NDST1: variants seen among roughly 807,000 people sequenced by gnomAD.
NDST1 encodes the protein N-deacetylase and N-sulfotransferase 1, also known as bifunctional heparan sulfate N-deacetylase/N-sulfotransferase 1.
In NDST1, 35 loss-of-function variants were observed where a neutral mutation model predicts 92.8. The ratio of observed to expected loss-of-function variants is 0.38; its 90% confidence interval spans 0.29 to 0.50. NDST1 has a LOEUF of 0.50. Ranked by LOEUF, NDST1 falls within the 20% of genes least tolerant of loss-of-function variation. The pLI is 0.94. For synonymous variants in NDST1, 493 were observed against 500.3 expected (o/e 0.99, Z 0.19); for missense variants, 822 against 1,182.7 (o/e 0.69, Z 4.47).
At position 150,546,561 on chromosome 5, in the gene NDST1, G is replaced by T. The variant is rs573844205; in HGVS notation, c.2145+1075G>T. ...CAGGCCTGTGCTTGGTGTTGGGGAG[G>T]GGGTGGGGCCCTGGGTCTTAGCCCA... On this transcript the variant is annotated intron_variant, in intron 11 of 14. Transcript: ENST00000261797. 1.5e-3 allele frequency among the ~76,000 whole-genome samples: 222 copies of T among 152,368 alleles called. 1 individual carries two copies. The highest frequency in any genetic ancestry group is 5.2e-3 in the African/African-American group (217 of 41,592).
chr5:150,509,873 G>T (rs1022959294), intron 1 of NDST1, among the ~76,000 whole-genome samples: 2 of 152,178 alleles, frequency 1.3e-5, no homozygotes, highest in African/African-American at 2.4e-5. Flanking sequence ...CTGAAGTCCT[G>T]CCTTGCTGGG....
At chr5:150,527,722 T>G (rs555397646) in intron 2 of NDST1, 82 bp from the exon 3 acceptor site, 2 of 1,590,502 alleles carry the variant, frequency 1.3e-6, no homozygotes, top group African/African-American at 1.3e-5. Context: ...ACCACTGTTA[T>G]GGTCCACATG....
chr5:150,506,321 C>T (rs1279388540), upstream of NDST1, among the ~76,000 whole-genome samples: 1 of 152,166 alleles, frequency 6.6e-6, no homozygotes, highest in Non-Finnish European at 1.5e-5. Context: ...CCATGTTGCC[C>T]AGGCTGGTGT....
chr5:150,554,082 G>GTTA lies in NDST1; in HGVS notation c.*750_*751insTTA, dbSNP rs1755820355. 2.5e-6 allele frequency: 1 copy of GTTA among 402,240 alleles called. No homozygotes were observed. The highest frequency in any genetic ancestry group is 2.1e-5 in the African/African-American group (1 of 48,564). 24.9% of individuals were successfully genotyped at this position (402,240 alleles called of 1,614,324 possible). A position where few individuals can be genotyped will look rare whatever the true frequency, so the allele number is the denominator to read the frequency against. ...GTGTTTCCTGTGGTAAAAGACTGAG[G>GTTA]CAGGCCAGGGGTCTGCCAGTAACAT... On this transcript the variant is annotated 3_prime_UTR_variant, in exon 15 of 15. Transcript: ENST00000261797.
At chr5:150,544,732 G>A (rs911995615) in intron 10 of NDST1, among the ~76,000 whole-genome samples, 3 of 152,182 alleles carry the variant, frequency 2.0e-5, no homozygotes, top group African/African-American at 7.2e-5. Context: ...CCATTGCTCT[G>A]GTGGGATATG....
rs1033476610 is a variant in NDST1, at chr5:150,539,829, A to G, written c.1567-253A>G. On this transcript the variant is annotated intron_variant, in intron 7 of 14. Transcript: ENST00000261797. The stretch of plus-strand genomic sequence containing the variant: ...TGCACCCCACCCCTAACATTTACAA[A>G]ATAAAACCCAAATAGCTCCCACATT... 4.1e-6 allele frequency: 4 copies of G among 973,070 alleles called. No individual in the cohort carries two copies. In the African/African-American group the frequency reaches 7.0e-5, roughly 17 times the overall value. 60.3% of individuals were successfully genotyped at this position (973,070 alleles called of 1,614,324 possible).
intron 13 of NDST1, 81 bp from the exon 14 acceptor site, chr5:150,551,672 C>T: frequency 1.9e-6 from 3 of 1,545,452 alleles, no homozygotes; most frequent in Non-Finnish European, 2.6e-6. Flanking sequence ...TCTGCCATTC[C>T]TGGGGTCCAT....
chr5:150,530,708 G>A (rs969551004), intron 3 of NDST1, among the ~76,000 whole-genome samples: 45 of 151,874 alleles, frequency 3.0e-4, no homozygotes, highest in Admixed American at 9.2e-4. Context: ...ACAGGCACAT[G>A]CCACCATACC....
chr5:150,515,533 TCATGAC>T (rs1308215856), intron 1 of NDST1, among the ~76,000 whole-genome samples: 1 of 151,666 alleles, frequency 6.6e-6, no homozygotes, highest in African/African-American at 2.4e-5. Flanking sequence ...TTCAGAGGGG[TCATGAC>T]TTTGGAACCT....
rs114176195 is a variant in NDST1, at chr5:150,521,825, G to C, written c.513+58G>C. 1.8e-3 allele frequency: 2,935 copies of C among 1,601,818 alleles called. 51 individuals carry two copies. In the African/African-American group the frequency reaches 0.033, roughly 18 times the overall value. On this transcript the variant is annotated intron_variant, in intron 2 of 14. Transcript: ENST00000261797. This position sits in a 1 kb window ranked among gnomAD's most constrained non-coding sequence, Gnocchi z 5.9. ...GAGCCCCCTCTGCAGCTCAGTGCCT[G>C]AATTCTCATTTGTGAAATAGGTGTA...
At chr5:150,535,561 C>CCCATCTTA (rs1330918247) in intron 5 of NDST1, 139 bp from the exon 6 acceptor site, 1 of 1,225,502 alleles carries the variant, frequency 8.2e-7, no homozygotes. Flanking sequence ...GCCTCAGCTT[C>CCCATCTTA]CCATCTTACC....
rs542839572 is a variant in NDST1 at position 150,534,820 on chromosome 5, G to A, written c.1097-47G>A. The A allele has an allele frequency of 3.0e-5, 48 of 1,613,420 alleles. No individual in the cohort carries two copies. The East Asian group carries it at 1.0e-3, about 34-fold the overall frequency. On this transcript the variant is annotated intron_variant, in intron 4 of 14. Coordinates refer to ENST00000261797, the MANE Select transcript of NDST1 (RefSeq NM_001543.5). ...CCCCAGGCACAGGCCCAGGTTAGAG[G>A]GCCTCATGGCCCAGTGGGTGGTTCT...
chr5:150,558,103 C>G lies in NDST1; in HGVS notation c.*4771C>G, dbSNP rs745653131. The G allele has an allele frequency of 1.3e-5, 2 of 152,484 alleles. No individual in the cohort carries two copies. The highest frequency in any genetic ancestry group is 4.1e-4 in the South Asian group (2 of 4,822). 9.4% of individuals were successfully genotyped at this position (152,484 alleles called of 1,614,324 possible). Reference sequence around the variant, plus strand: ...GGAGAGGGGGTGCTATCCAGTTCGCCTGATGAGGGCTCTCGAACCAGCCGT... The same window carrying G: ...GGAGAGGGGGTGCTATCCAGTTCGCGTGATGAGGGCTCTCGAACCAGCCGT... On this transcript the variant is annotated 3_prime_UTR_variant, in exon 15 of 15. Transcript: ENST00000261797.
chr5:150,539,176 C>A, intron 6 of NDST1, 52 bp from the exon 7 acceptor site: 1 of 1,469,170 alleles, frequency 6.8e-7, no homozygotes, highest in Non-Finnish European at 9.5e-7. Flanking sequence ...AGTCCTCCCA[C>A]CACCCTCATG....
chr5:150,553,625 T>C lies in NDST1; in HGVS notation c.*293T>C. 1 of 439,350 alleles carries C rather than the reference T, an allele frequency of 2.3e-6. No individual in the cohort carries two copies. Among genetic ancestry groups the C allele is most frequent in the Non-Finnish European group, 4.3e-6 (1 of 232,910 alleles). The allele number at this position is 439,350 out of a possible 1,614,324, so 27.2% of individuals were successfully genotyped here. A position where few individuals can be genotyped will look rare whatever the true frequency, so the allele number is the denominator to read the frequency against. On this transcript the variant is annotated 3_prime_UTR_variant, in exon 15 of 15. Coordinates refer to ENST00000261797, the MANE Select transcript of NDST1 (RefSeq NM_001543.5). This position sits in a 1 kb window ranked among gnomAD's most constrained non-coding sequence, Gnocchi z 4.2. ...GTAGGAGGGAGTCCACGAGACTCTT[T>C]TCTGTCCCTCACTGTGTTCCGCCGA...
At chr5:150,534,793 A>C in intron 4 of NDST1, 74 bp from the exon 5 acceptor site, 1 of 1,598,250 alleles carries the variant, frequency 6.3e-7, no homozygotes, top group Non-Finnish European at 8.6e-7. Flanking sequence ...ATGCTCTCCC[A>C]TCCCCAGGCA....
At chr5:150,550,560 G>A (rs1755678133) in intron 13 of NDST1, 1 of 152,318 alleles carries the variant, frequency 6.6e-6, no homozygotes, top group Admixed American at 6.5e-5. Context: ...GCTTTCCTGT[G>A]CTATGTCACA....
rs757264097 is a variant in NDST1, at chr5:150,540,240, CGAG to C, written c.1729_1731del (p.Glu577del). On this transcript the variant is annotated inframe_deletion, in exon 8 of 15. Coordinates refer to ENST00000261797, the MANE Select transcript of NDST1 (RefSeq NM_001543.5). ...CGCAGAAGTACTTCCAGATCTTCTCCGAGGAGAAGGACCCGCTCTGGCAGGTGG... is the reference window on the plus strand; with the variant it reads ...CGCAGAAGTACTTCCAGATCTTCTCCGAGAAGGACCCGCTCTGGCAGGTGG... The C allele has an allele frequency of 1.2e-5, 19 of 1,610,830 alleles. No individual in the cohort carries two copies. The South Asian group carries it at 1.8e-4, about 15-fold the overall frequency.
At position 150,551,855 on chromosome 5, in the gene NDST1, T is replaced by C. The variant is rs1229110854; in HGVS notation, c.2529T>C (p.Asp843=). 1.2e-6 allele frequency: 2 copies of C among 1,612,888 alleles called. No individual in the cohort carries two copies. Among genetic ancestry groups the C allele is most frequent in the Non-Finnish European group, 1.7e-6 (2 of 1,179,070 alleles). The change falls in exon 14 of 15, where the codon GAT becomes GAC. Residue 843 remains aspartate, a splice_region_variant and synonymous_variant. Transcript: ENST00000261797. The part of the protein sequence containing the change: ...KGRKYPEMDL[D]SRAFLKDYYR... ...GGAAATATCCCGAGATGGACTTGGA[T>C]GTAAGTGGTGGACACACTACCTGTA...
Sources: gnomAD v4.1 joint callset for allele counts (sites outside exome capture counted in the v4.1 genomes callset) on GRCh38, gnomAD v4.1.1 for gene constraint, Gnocchi (gnomAD v3.1) non-coding constraint, MANE v1.5 for transcripts, NCBI Gene and HGNC (gene_info 2026-07-23, HGNC 2026-07-21) for gene names.